The following LUC7L2 variants were observed in gnomAD, a reference collection of about 807,000 sequenced individuals.
The protein encoded by LUC7L2 is LUC7 like 2, pre-mRNA splicing factor.
Under a neutral mutation model 52.8 loss-of-function variants are expected in LUC7L2, and 25 were observed. That is an observed-to-expected ratio of 0.47 (90% CI 0.34 to 0.66). The LOEUF (loss-of-function observed/expected upper bound fraction) is 0.66. LUC7L2 is among the 30% of genes least tolerant of loss of function. The pLI, the probability that LUC7L2 is intolerant of heterozygous loss-of-function variation, is 0.01. For missense variants in LUC7L2, 328 were observed against 497.8 expected, an observed-to-expected ratio of 0.66 and a Z score of 3.25; for synonymous variants, 144 against 160.9, an observed-to-expected ratio of 0.89 and a Z score of 0.80.
intron 1 of LUC7L2, chr7:139,341,411 C>A: frequency 6.2e-7 from 1 of 1,613,474 alleles, no homozygotes; most frequent in Non-Finnish European, 8.5e-7. Context: ...CCCCGTCGCA[C>A]ACTTTTCGAG....
Position 139,360,397 on chromosome 7 carries a change from C to T in LUC7L2, c.61+75C>T, listed in dbSNP as rs941427634. On this transcript the variant is annotated intron_variant, in intron 1 of 9. Coordinates refer to ENST00000354926, the MANE Select transcript of LUC7L2 (RefSeq NM_016019.5). ...AAGGGAAGGGGTTCCGAGGGCGCAC[C>T]TGGGCGCGCGCGTGTGGCTGAGTAA... The T allele has an allele frequency of 3.5e-5, 50 of 1,417,290 alleles. No individual in the cohort carries two copies. The South Asian group carries it at 5.3e-4, about 15-fold the overall frequency. 87.8% of individuals were successfully genotyped at this position (1,417,290 alleles called of 1,614,324 possible).
chr7:139,395,535 C>T (rs1385030525), intron 2 of LUC7L2, among the ~76,000 whole-genome samples: 1 of 152,158 alleles, frequency 6.6e-6, no homozygotes, highest in Non-Finnish European at 1.5e-5. Flanking sequence ...GTGATGAGTC[C>T]TCATTATTTC....
At chr7:139,365,014 C>G (rs1800082863) in intron 1 of LUC7L2, among the ~76,000 whole-genome samples, 2 of 152,152 alleles carry the variant, frequency 1.3e-5, no homozygotes, top group South Asian at 4.1e-4. Context: ...TAGTCTAGAG[C>G]TTGTAAATTC....
In LUC7L2 at chr7:139,360,031, G is replaced by C; in HGVS notation, c.-231G>C. The C allele has an allele frequency of 1.9e-6, 1 of 517,026 alleles. No homozygotes were observed. The highest frequency in any genetic ancestry group is 3.4e-6 in the Non-Finnish European group (1 of 292,588). 32.0% of individuals were successfully genotyped at this position (517,026 alleles called of 1,614,324 possible). A position where few individuals can be genotyped will look rare whatever the true frequency, so the allele number is the denominator to read the frequency against. On this transcript the variant is annotated 5_prime_UTR_variant, in exon 1 of 10. Coordinates refer to ENST00000354926, the MANE Select transcript of LUC7L2 (RefSeq NM_016019.5). ...CTGTCCCAAGAACCGGACGGAGAGT[G>C]AGGGCACGAGGGTCGCTGTCGGGGG... is the stretch of plus-strand genomic sequence containing the variant.
intron 1 of LUC7L2, chr7:139,341,157 C>T: frequency 1.6e-6 from 1 of 625,388 alleles, no homozygotes; most frequent in Non-Finnish European, 2.5e-6. Context: ...GGTTAGAGGT[C>T]CTGGTACCTT....
intron 2 of LUC7L2, among the ~76,000 whole-genome samples, chr7:139,396,129 G>A (rs1215253154): frequency 2.0e-5 from 3 of 152,150 alleles, no homozygotes. Flanking sequence ...TCTACCTTCA[G>A]AAAGCTTTGA....
At chr7:139,399,654 A>G (rs1382412808) in intron 3 of LUC7L2, among the ~76,000 whole-genome samples, 2 of 151,588 alleles carry the variant, frequency 1.3e-5, no homozygotes, top group African/African-American at 2.4e-5. Context: ...TGTTTTTAGT[A>G]GAGACAGGGT....
At chr7:139,387,773 A>G (rs1433655261) in intron 2 of LUC7L2, among the ~76,000 whole-genome samples, 1 of 151,666 alleles carries the variant, frequency 6.6e-6, no homozygotes. Flanking sequence ...TTTTTTGGAG[A>G]CAGAATCTTG....
upstream of LUC7L2, among the ~76,000 whole-genome samples, chr7:139,355,429 A>G (rs555090668): frequency 2.0e-5 from 3 of 152,308 alleles, no homozygotes; most frequent in South Asian, 6.2e-4. Context: ...GTGAGAACCA[A>G]CATGAGCAAC....
rs1204945322 is a variant in LUC7L2, at chr7:139,390,268, A to AT, written c.157-8323dup. Among the ~76,000 whole-genome samples, 5 of 126,372 alleles carry AT rather than the reference A, an allele frequency of 4.0e-5. No homozygotes were observed. The South Asian group carries it at 7.9e-4, about 20-fold the overall frequency. The allele number at this position is 126,372 out of a possible 152,430, so 82.9% of individuals were successfully genotyped here. ...TTTTCTTATTTTTTTTTTTATTTTT[A>AT]TTTTTTTTGGAGACCAGGGTCTCAA... is the stretch of plus-strand genomic sequence containing the variant. On this transcript the variant is annotated intron_variant, in intron 2 of 9. Coordinates refer to ENST00000354926, the MANE Select transcript of LUC7L2 (RefSeq NM_016019.5).
At chr7:139,361,353 T>G (rs1409483631) in intron 1 of LUC7L2, among the ~76,000 whole-genome samples, 1 of 152,258 alleles carries the variant, frequency 6.6e-6, no homozygotes, top group Non-Finnish European at 1.5e-5. Flanking sequence ...TCTTGAGAAG[T>G]TATTTAAGTG....
At chr7:139,352,332 TAAA>T (rs577693079) in intron 1 of LUC7L2, among the ~76,000 whole-genome samples, 1 of 151,898 alleles carries the variant, frequency 6.6e-6, no homozygotes, top group African/African-American at 2.4e-5. Flanking sequence ...TCTACAAAAA[TAAA>T]AATAAAAAAA....
chr7:139,353,098 TGAGGCAGAGAATCGCTTAAACCTGG>T (rs1041215960), intron 1 of LUC7L2, among the ~76,000 whole-genome samples: 16 of 152,168 alleles, frequency 1.1e-4, no homozygotes, highest in Admixed American at 8.5e-4. Flanking sequence ...CTTGGGAGGC[TGAGGCAGAGAATCGCTTAAACCTGG>T]GAGGCAGAGG....
chr7:139,359,645 G>A (rs1274937000), upstream of LUC7L2: 20 of 397,490 alleles, frequency 5.0e-5, no homozygotes, highest in African/African-American at 8.2e-5. Flanking sequence ...CGCAGCCTTA[G>A]CCGCCAGCCC....
intron 1 of LUC7L2, among the ~76,000 whole-genome samples, chr7:139,369,273 T>A (rs1278697902): frequency 6.6e-6 from 1 of 152,230 alleles, no homozygotes; most frequent in Non-Finnish European, 1.5e-5. Context: ...AATATAAAAT[T>A]TAGCAGGCTG....
chr7:139,422,834 T>C lies in LUC7L2; in HGVS notation c.*494T>C, dbSNP rs1795958563. The C allele has an allele frequency of 5.0e-6, 2 of 399,310 alleles. No homozygotes were observed. The highest frequency in any genetic ancestry group is 1.3e-4 in the South Asian group (1 of 7,870). The allele number at this position is 399,310 out of a possible 1,614,324, so 24.7% of individuals were successfully genotyped here. On this transcript the variant is annotated 3_prime_UTR_variant, in exon 10 of 10. Transcript: ENST00000354926. The stretch of plus-strand genomic sequence containing the variant: ...TGTATTCCCGTTATGAATTACTAGC[T>C]GATTACAGTTCAGAGCATTGATCCT...
chr7:139,415,772 G>T (rs1795569010), intron 8 of LUC7L2, among the ~76,000 whole-genome samples: 1 of 151,510 alleles, frequency 6.6e-6, no homozygotes, highest in Non-Finnish European at 1.5e-5. Flanking sequence ...CCAAGTGCTG[G>T]GATTACAGAC....
intron 2 of LUC7L2, among the ~76,000 whole-genome samples, chr7:139,396,913 ATATT>A (rs796357290): frequency 3.6e-4 from 55 of 152,268 alleles, no homozygotes; most frequent in African/African-American, 1.3e-3. Context: ...ATAGGACTTC[ATATT>A]TATTTCTTTT....
intron 2 of LUC7L2, among the ~76,000 whole-genome samples, chr7:139,390,459 C>T (rs942050806): frequency 1.3e-5 from 2 of 151,920 alleles, no homozygotes; most frequent in East Asian, 3.9e-4. Flanking sequence ...AAACTTCTGA[C>T]CTCAAGTGAT....
Sources: allele counts gnomAD v4.1 joint callset (sites outside exome capture counted in the v4.1 genomes callset), GRCh38; gene constraint gnomAD v4.1.1; transcripts MANE v1.5; gene names NCBI Gene and HGNC (gene_info 2026-07-23, HGNC 2026-07-21).